The following LRRC8C variants were observed in gnomAD, a reference collection of about 807,000 sequenced individuals.
The protein encoded by LRRC8C is volume-regulated anion channel subunit LRRC8C.
A neutral mutation model predicts 55.3 loss-of-function variants in LRRC8C; 20 were observed. The ratio of observed to expected loss-of-function variants is 0.36; its 90% CI spans 0.25 to 0.53. The LOEUF (loss-of-function observed/expected upper bound fraction) is 0.53. LRRC8C is among the 20% of genes least tolerant of loss of function. The pLI is 0.92. For missense variants in LRRC8C, 659 were observed against 951.4 expected (o/e 0.69, Z 4.04); for synonymous variants, 376 against 360.7 (o/e 1.04, Z -0.48).
rs556480996 is a variant in LRRC8C at position 89,703,968 on chromosome 1, G to C, written c.139-8741G>C. On this transcript the variant is annotated intron_variant, in intron 2 of 2. Transcript: ENST00000370454. ...AGGCAGAAACCTAAAAAAATTATAA[G>C]AGTAAAAATAGAGATTAAAAGATAA... 6.6e-5 allele frequency among the ~76,000 whole-genome samples: 10 copies of C among 152,090 alleles called. No homozygotes were observed. In the South Asian group the frequency reaches 2.1e-3, roughly 32 times the overall value.
intron 1 of LRRC8C, among the ~76,000 whole-genome samples, chr1:89,642,757 G>T (rs1044533899): frequency 6.6e-6 from 1 of 151,930 alleles, no homozygotes; most frequent in Non-Finnish European, 1.5e-5. Context: ...CTGAGGCAGA[G>T]AATTGCTTAA....
intron 2 of LRRC8C, among the ~76,000 whole-genome samples, chr1:89,705,658 G>A (rs866567891): frequency 2.8e-4 from 42 of 151,948 alleles, no homozygotes; most frequent in East Asian, 9.7e-4. Flanking sequence ...GTGCAGGCCC[G>A]TGGTCCCAGC....
At chr1:89,707,264 G>A (rs1388808239) in intron 2 of LRRC8C, among the ~76,000 whole-genome samples, 6 of 151,982 alleles carry the variant, frequency 3.9e-5, no homozygotes, top group Admixed American at 1.3e-4. Context: ...AAAATTAGTC[G>A]GGTGTGGTGG....
chr1:89,675,134 C>T (rs112455892), intron 1 of LRRC8C, among the ~76,000 whole-genome samples: 6,163 of 152,048 alleles, frequency 0.041, 378 homozygotes, highest in African/African-American at 0.14. Flanking sequence ...CATTTCTTGT[C>T]AGAACAGAAA....
At chr1:89,680,406 A>G (rs1471430676) in intron 1 of LRRC8C, among the ~76,000 whole-genome samples, 1 of 151,838 alleles carries the variant, frequency 6.6e-6, no homozygotes, top group Non-Finnish European at 1.5e-5. Context: ...ACCAAAATAT[A>G]TATCTTTGAG....
intron 1 of LRRC8C, among the ~76,000 whole-genome samples, chr1:89,667,483 C>T (rs185379625): frequency 2.0e-5 from 3 of 152,264 alleles, no homozygotes; most frequent in East Asian, 1.9e-4. Context: ...ACCTCACACC[C>T]AATCCATCAG....
the LRRC8C span, among the ~76,000 whole-genome samples, chr1:89,619,951 A>G: frequency 6.6e-6 from 1 of 152,218 alleles, no homozygotes; most frequent in African/African-American, 2.4e-5. Context: ...ATGGAAGGTA[A>G]GAGTGATGAT....
chr1:89,646,905 G>A (rs370156637), intron 1 of LRRC8C, among the ~76,000 whole-genome samples: 1 of 152,084 alleles, frequency 6.6e-6, no homozygotes. Flanking sequence ...ACTTGTAATC[G>A]ACATGAAGAT....
intron 1 of LRRC8C, chr1:89,668,072 C>T (rs1462495598): frequency 6.6e-6 from 1 of 152,530 alleles, no homozygotes; most frequent in Non-Finnish European, 1.5e-5. Flanking sequence ...TGGTTAAATA[C>T]TTAAGTATCT....
the LRRC8C span, among the ~76,000 whole-genome samples, chr1:89,625,879 C>T: frequency 6.6e-6 from 1 of 152,036 alleles, no homozygotes; most frequent in African/African-American, 2.4e-5. Flanking sequence ...CTGACAGGCT[C>T]TATGGCATAT....
chr1:89,706,786 TC>T (rs1318621596), intron 2 of LRRC8C, among the ~76,000 whole-genome samples: 1 of 152,088 alleles, frequency 6.6e-6, no homozygotes, highest in Non-Finnish European at 1.5e-5. Flanking sequence ...ACCCTTCCCC[TC>T]CCCCATAGAA....
intron 1 of LRRC8C, among the ~76,000 whole-genome samples, chr1:89,685,101 CTTTTTTTTTTTTTT>C (rs11316114): frequency 2.6e-5 from 2 of 76,164 alleles, no homozygotes; most frequent in Non-Finnish European, 4.6e-5. Context: ...CTATCTAGTT[CTTTTTTTTTTTTTT>C]TTTTTTTTTT....
At chr1:89,647,303 A>C (rs1356519670) in intron 1 of LRRC8C, among the ~76,000 whole-genome samples, 1 of 152,202 alleles carries the variant, frequency 6.6e-6, no homozygotes, top group East Asian at 1.9e-4. Context: ...TATAGCTCCA[A>C]ATTAGGAACA....
At chr1:89,680,871 A>G (rs1657689146) in intron 1 of LRRC8C, among the ~76,000 whole-genome samples, 2 of 152,086 alleles carry the variant, frequency 1.3e-5, no homozygotes, top group Non-Finnish European at 2.9e-5. Context: ...TACAATAAGT[A>G]TTTTAAATAA....
chr1:89,621,517 T>G, the LRRC8C span, among the ~76,000 whole-genome samples: 1 of 152,032 alleles, frequency 6.6e-6, no homozygotes, highest in African/African-American at 2.4e-5. Flanking sequence ...GCACCACTCC[T>G]CACCTCACCC....
the LRRC8C span, among the ~76,000 whole-genome samples, chr1:89,627,546 A>G: frequency 6.6e-6 from 1 of 152,190 alleles, no homozygotes; most frequent in Non-Finnish European, 1.5e-5. Flanking sequence ...AAAAGCACAA[A>G]TCAATGCAAT....
intron 2 of LRRC8C, among the ~76,000 whole-genome samples, chr1:89,696,088 A>G (rs1322086823): frequency 1.3e-5 from 2 of 152,238 alleles, no homozygotes; most frequent in African/African-American, 4.8e-5. Flanking sequence ...TGATTAGTTG[A>G]GTCTTGACAA....
At chr1:89,630,751 G>A (rs983413092), upstream of LRRC8C, among the ~76,000 whole-genome samples, 1 of 152,206 alleles carries the variant, frequency 6.6e-6, no homozygotes, top group African/African-American at 2.4e-5. Flanking sequence ...CACTCAAGTT[G>A]ACTGATTGCT....
At chr1:89,658,919 A>G (rs929400694) in intron 1 of LRRC8C, among the ~76,000 whole-genome samples, 5 of 152,136 alleles carry the variant, frequency 3.3e-5, no homozygotes, top group Non-Finnish European at 7.3e-5. Context: ...GCTAATGGAA[A>G]AGCAAACAAA....
Sources: gnomAD v4.1 joint callset for allele counts (sites outside exome capture counted in the v4.1 genomes callset) on GRCh38, gnomAD v4.1.1 for gene constraint, MANE v1.5 for transcripts, NCBI Gene and HGNC (gene_info 2026-07-23, HGNC 2026-07-21) for gene names.